Variants in PCDH15 observed in about 807,000 individuals in gnomAD.
PCDH15 encodes the protein protocadherin-15.
In PCDH15, 129 loss-of-function variants were observed where a neutral mutation model predicts 178.5. The ratio of observed to expected loss-of-function variants is 0.72; its 90% confidence interval spans 0.63 to 0.84. The LOEUF (loss-of-function observed/expected upper bound fraction) is 0.84. PCDH15 is among the 40% of genes least tolerant of loss of function. PCDH15 has a pLI of 0.00. For synonymous variants in PCDH15, 800 were observed against 732.0 expected, an observed-to-expected ratio of 1.09 and a Z score of -1.50; for missense variants, 2,230 against 2,099.9, an observed-to-expected ratio of 1.06 and a Z score of -1.21.
At chr10:54,180,641 G>A (rs576679357) in intron 13 of PCDH15, among the ~76,000 whole-genome samples, 16 of 152,262 alleles carry the variant, frequency 1.1e-4, no homozygotes, top group Non-Finnish European at 2.2e-4. Context: ...AAGGGTATAT[G>A]TAGATCAGAG....
intron 15 of PCDH15, among the ~76,000 whole-genome samples, chr10:54,092,394 C>G (rs1032480905): frequency 1.3e-5 from 2 of 152,026 alleles, no homozygotes; most frequent in African/African-American, 4.8e-5. Context: ...TTTTCCAGGC[C>G]AATTCTTTTA....
intron 1 of PCDH15, among the ~76,000 whole-genome samples, chr10:55,238,257 C>T (rs1841445312): frequency 6.7e-6 from 1 of 149,696 alleles, no homozygotes; most frequent in South Asian, 2.1e-4. Context: ...TCACGCCATT[C>T]TCCTGCCTCA....
chr10:55,003,025 G>A (rs1035703819), intron 2 of PCDH15, among the ~76,000 whole-genome samples: 1 of 152,140 alleles, frequency 6.6e-6, no homozygotes, highest in Non-Finnish European at 1.5e-5. Flanking sequence ...TTGTTAATAT[G>A]TGTTCCAGGA....
At chr10:54,904,691 C>T (rs919789097) in intron 2 of PCDH15, among the ~76,000 whole-genome samples, 3 of 151,864 alleles carry the variant, frequency 2.0e-5, no homozygotes, top group African/African-American at 7.2e-5. Context: ...AAATAAACTA[C>T]CAATCAGGCA....
At chr10:54,763,197 C>T (rs149838352) in intron 1 of PCDH15, among the ~76,000 whole-genome samples, 340 of 152,112 alleles carry the variant, frequency 2.2e-3, no homozygotes, top group South Asian at 6.2e-3. Flanking sequence ...AAGGGTAATA[C>T]CGGGGAAAAA....
intron 32 of PCDH15, chr10:53,822,650 A>C: frequency 1.2e-6 from 2 of 1,614,116 alleles, no homozygotes; most frequent in Non-Finnish European, 1.7e-6. Flanking sequence ...ACTCAGCAGG[A>C]GAACTGATGA....
At chr10:54,671,270 T>A (rs1342324800) in intron 1 of PCDH15, among the ~76,000 whole-genome samples, 1 of 152,196 alleles carries the variant, frequency 6.6e-6, no homozygotes, top group African/African-American at 2.4e-5. Context: ...TGATTCTGAT[T>A]AATATTCTTG....
chr10:53,895,382 G>C (rs971942798), intron 26 of PCDH15, among the ~76,000 whole-genome samples: 1 of 151,914 alleles, frequency 6.6e-6, no homozygotes, highest in Non-Finnish European at 1.5e-5. Flanking sequence ...CTTTTTTCTT[G>C]CTGCTTTTTC....
chr10:55,192,527 G>T (rs958451968), intron 1 of PCDH15, among the ~76,000 whole-genome samples: 2 of 151,560 alleles, frequency 1.3e-5, no homozygotes, highest in Admixed American at 6.6e-5. Flanking sequence ...CTTTGATAAA[G>T]TTTCCTTTGC....
chr10:55,111,545 T>A lies in PCDH15; in HGVS notation c.-80+55031A>T, dbSNP rs1922169. ...AGAGATACTATTTAAAAAAAAAAAA[T>A]TTAAAAAAGTTCTTTTTGACGGGTG... On this transcript the variant is annotated intron_variant, in intron 2 of 5. Coordinates refer to the PCDH15 transcript ENST00000458638. Among the ~76,000 whole-genome samples, 331 of 150,550 alleles carry A rather than the reference T, an allele frequency of 2.2e-3. 2 individuals carry two copies. The highest frequency in any genetic ancestry group is 5.9e-3 in the African/African-American group (239 of 40,298).
chr10:55,317,751 T>C (rs1588907556), intron 1 of PCDH15, among the ~76,000 whole-genome samples: 1 of 148,620 alleles, frequency 6.7e-6, no homozygotes, highest in African/African-American at 2.5e-5. Context: ...AATCCTCAGG[T>C]GATACAAGCG....
At chr10:53,916,485 A>G (rs568471294) in intron 25 of PCDH15, among the ~76,000 whole-genome samples, 1 of 151,692 alleles carries the variant, frequency 6.6e-6, no homozygotes, top group South Asian at 2.1e-4. Context: ...GGATACATTT[A>G]AAAGCCTCTG....
At chr10:54,420,199 T>C (rs895175699) in intron 3 of PCDH15, among the ~76,000 whole-genome samples, 1 of 152,110 alleles carries the variant, frequency 6.6e-6, no homozygotes, top group Non-Finnish European at 1.5e-5. Flanking sequence ...ATTGTTAATA[T>C]GTTGCCCATA....
intron 3 of PCDH15, among the ~76,000 whole-genome samples, chr10:54,816,794 A>G (rs1454860482): frequency 6.6e-6 from 1 of 152,076 alleles, no homozygotes. Flanking sequence ...TTATATAGTT[A>G]CAGGATGAAT....
At chr10:55,390,989 C>T (rs577410637) in intron 2 of PCDH15, among the ~76,000 whole-genome samples, 41 of 152,198 alleles carry the variant, frequency 2.7e-4, no homozygotes, top group South Asian at 6.2e-4. Flanking sequence ...AACTTAGTTA[C>T]CAGCTGCATT....
intron 13 of PCDH15, among the ~76,000 whole-genome samples, chr10:54,179,587 T>A (rs1013564975): frequency 8.0e-5 from 12 of 150,850 alleles, no homozygotes; most frequent in Admixed American, 1.3e-4. Context: ...AAATAAAATT[T>A]AAAAAAAAAG....
chr10:55,556,846 C>CA (rs1842101022), intron 2 of PCDH15, among the ~76,000 whole-genome samples: 1 of 152,000 alleles, frequency 6.6e-6, no homozygotes, highest in African/African-American at 2.4e-5. Flanking sequence ...CAAAACAAAA[C>CA]AAAAAAGTTT....
intron 18 of PCDH15, among the ~76,000 whole-genome samples, chr10:54,041,989 G>A (rs192203605): frequency 6.6e-6 from 1 of 151,528 alleles, no homozygotes; most frequent in Admixed American, 6.6e-5. Flanking sequence ...ACATTCTTGA[G>A]ATTATTTTTA....
intron 2 of PCDH15, among the ~76,000 whole-genome samples, chr10:55,608,641 T>G (rs1252178342): frequency 6.6e-6 from 1 of 151,894 alleles, no homozygotes; most frequent in Non-Finnish European, 1.5e-5. Flanking sequence ...CAATGACTAT[T>G]GCCAAGGAAG....
Sources: allele counts gnomAD v4.1 joint callset (sites outside exome capture counted in the v4.1 genomes callset), GRCh38; gene constraint gnomAD v4.1.1; transcripts MANE v1.5; gene names NCBI Gene and HGNC (gene_info 2026-07-23, HGNC 2026-07-21).